Variants in SNAI1 observed in about 807,000 individuals in gnomAD.
The protein encoded by SNAI1 is zinc finger protein SNAI1.
In SNAI1, 15 loss-of-function variants were observed where a neutral mutation model predicts 24.7. That is an observed-to-expected ratio of 0.61 (90% confidence interval 0.41 to 0.93). The LOEUF is 0.93. SNAI1 is among the 40% of genes least tolerant of loss of function. The pLI is 0.00. For missense variants in SNAI1, 283 were observed against 336.7 expected (o/e 0.84, Z 1.25); for synonymous variants, 163 against 142.9 (o/e 1.14, Z -1.00).
Position 49,988,585 on chromosome 20 carries a change from A to C in SNAI1, c.*529A>C, listed in dbSNP as rs528258894. 2 of 152,888 alleles carry C rather than the reference A, an allele frequency of 1.3e-5. No homozygotes were observed. Among genetic ancestry groups the C allele is most frequent in the East Asian group, 3.9e-4 (2 of 5,178 alleles). The allele number at this position is 152,888 out of a possible 1,614,324, so 9.5% of individuals were successfully genotyped here. Reference sequence around the variant, plus strand: ...TGAGATGCCCCGAGCCCAGGCAGCTATTTCAGCCTCCTGTTTGGTGGGGTG... The same window carrying C: ...TGAGATGCCCCGAGCCCAGGCAGCTCTTTCAGCCTCCTGTTTGGTGGGGTG... On this transcript the variant is annotated 3_prime_UTR_variant, in exon 3 of 3. Transcript: ENST00000244050.
At chr20:49,984,704 A>G (rs1373047458) in intron 2 of SNAI1, among the ~76,000 whole-genome samples, 2 of 152,130 alleles carry the variant, frequency 1.3e-5, no homozygotes, top group African/African-American at 4.8e-5. Context: ...GCCAGACAGG[A>G]TGTTGTCAGA....
chr20:49,988,281 G>A lies in SNAI1; in HGVS notation c.*225G>A. 1 of 516,998 alleles carries A rather than the reference G, an allele frequency of 1.9e-6. No individual in the cohort carries two copies. The highest frequency in any genetic ancestry group is 5.0e-4 in the Middle Eastern group (1 of 1,996). The allele number at this position is 516,998 out of a possible 1,614,324, so 32.0% of individuals were successfully genotyped here. Reference sequence around the variant, plus strand: ...CTTCCCATGGCCATTTCTGTGGAGGGAGGGCAGCTGGCCCCCAGCCCTGGG... The same window carrying A: ...CTTCCCATGGCCATTTCTGTGGAGGAAGGGCAGCTGGCCCCCAGCCCTGGG... On this transcript the variant is annotated 3_prime_UTR_variant, in exon 3 of 3. Coordinates refer to ENST00000244050, the MANE Select transcript of SNAI1 (RefSeq NM_005985.4).
At chr20:49,983,721 T>C in intron 1 of SNAI1, 103 bp from the exon 2 acceptor site, 1 of 1,131,912 alleles carries the variant, frequency 8.8e-7, no homozygotes, top group South Asian at 1.5e-5. Flanking sequence ...TCTAATTATG[T>C]ATTGAGAATC....
chr20:49,984,311 T>C lies in SNAI1; in HGVS notation c.570T>C (p.Ser190=), dbSNP rs1366832435. ...CVCGTCGKAF[S]RPWLLQGHVR... Reference sequence around the variant, plus strand: ...GCGGAACCTGCGGGAAGGCCTTCTCTAGGCCCTGGCTGCTACAAGGCCATG... The same window carrying C: ...GCGGAACCTGCGGGAAGGCCTTCTCCAGGCCCTGGCTGCTACAAGGCCATG... The change falls in exon 2 of 3, where the codon TCT becomes TCC. Residue 190 remains serine, a synonymous_variant. Coordinates refer to ENST00000244050, the MANE Select transcript of SNAI1 (RefSeq NM_005985.4). The C allele has an allele frequency of 1.2e-6, 2 of 1,611,588 alleles. No homozygotes were observed. The highest frequency in any genetic ancestry group is 1.3e-5 in the African/African-American group (1 of 75,004).
Position 49,988,328 on chromosome 20 carries a change from T to G in SNAI1, c.*272T>G. On this transcript the variant is annotated 3_prime_UTR_variant, in exon 3 of 3. Coordinates refer to ENST00000244050, the MANE Select transcript of SNAI1 (RefSeq NM_005985.4). Reference sequence around the variant, plus strand: ...TGGGGGATTCCTGAGCTGGCCTGTCTGCGTGGGTTTTTGTATCCAGAGCTG... The same window carrying G: ...TGGGGGATTCCTGAGCTGGCCTGTCGGCGTGGGTTTTTGTATCCAGAGCTG... 2.4e-6 allele frequency: 1 copy of G among 419,094 alleles called. No individual in the cohort carries two copies. Among genetic ancestry groups the G allele is most frequent in the Non-Finnish European group, 4.3e-6 (1 of 234,912 alleles). The allele number at this position is 419,094 out of a possible 1,614,324, so 26.0% of individuals were successfully genotyped here.
At position 49,984,020 on chromosome 20, in the gene SNAI1, T is replaced by G. The variant is rs4647959; in HGVS notation, c.279T>G (p.Asp93Glu). The G allele has an allele frequency of 1.2e-6, 2 of 1,613,352 alleles. No homozygotes were observed. Among genetic ancestry groups the G allele is most frequent in the South Asian group, 2.2e-5 (2 of 91,020 alleles). ...PRVAELTSLS[D>E]EDSGKGSQPP... is the part of the protein sequence containing the mutation. ...TGGCAGAGCTGACCTCCCTGTCAGA[T>G]GAGGACAGTGGGAAAGGCTCCCAGC... Residue 93 changes from aspartate to glutamate, a missense_variant, in exon 2 of 3, where the codon GAT (aspartate) becomes GAG (glutamate). By Grantham distance (45) the Asp-to-Glu change is conservative. Transcript: ENST00000244050.
intron 2 of SNAI1, among the ~76,000 whole-genome samples, chr20:49,985,136 A>G (rs929155394): frequency 4.6e-5 from 7 of 152,248 alleles, no homozygotes; most frequent in Non-Finnish European, 7.3e-5. Flanking sequence ...TCTTTGGGGC[A>G]GAAAACACAA....
rs2078340555 is a variant in SNAI1 at position 49,988,257 on chromosome 20, T to C, written c.*201T>C. The C allele has an allele frequency of 1.8e-6, 1 of 553,720 alleles. No individual in the cohort carries two copies. The highest frequency in any genetic ancestry group is 3.5e-5 in the Admixed American group (1 of 28,598). The allele number at this position is 553,720 out of a possible 1,614,324, so 34.3% of individuals were successfully genotyped here. A position where few individuals can be genotyped will look rare whatever the true frequency, so the allele number is the denominator to read the frequency against. On this transcript the variant is annotated 3_prime_UTR_variant, in exon 3 of 3. Coordinates refer to ENST00000244050, the MANE Select transcript of SNAI1 (RefSeq NM_005985.4). Reference sequence around the variant, plus strand: ...CTCTGCCTGGGCTCTGGAAGAGGCCTTCCCATGGCCATTTCTGTGGAGGGA... The same window carrying C: ...CTCTGCCTGGGCTCTGGAAGAGGCCCTCCCATGGCCATTTCTGTGGAGGGA...
intron 2 of SNAI1, among the ~76,000 whole-genome samples, chr20:49,985,575 C>T (rs1053298033): frequency 6.6e-6 from 1 of 152,200 alleles, no homozygotes; most frequent in Non-Finnish European, 1.5e-5. Flanking sequence ...TCTCACCTCC[C>T]ATCTGGACAT....
intron 2 of SNAI1, among the ~76,000 whole-genome samples, chr20:49,985,223 G>A (rs544524411): frequency 6.6e-6 from 1 of 152,276 alleles, no homozygotes; most frequent in East Asian, 1.9e-4. Context: ...TTTAGAACTT[G>A]AATGGTGGCA....
At chr20:49,986,146 A>C (rs2078333262) in intron 2 of SNAI1, among the ~76,000 whole-genome samples, 1 of 152,200 alleles carries the variant, frequency 6.6e-6, no homozygotes, top group Non-Finnish European at 1.5e-5. Flanking sequence ...GTCAGCCCTT[A>C]GTTCACAAGG....
In SNAI1 at chr20:49,988,809, G is replaced by A. The variant is rs1359599623; in HGVS notation, c.*753G>A. 3 of 152,584 alleles carry A rather than the reference G, an allele frequency of 2.0e-5. No homozygotes were observed. Among genetic ancestry groups the A allele is most frequent in the African/African-American group, 7.2e-5 (3 of 41,408 alleles). The allele number at this position is 152,584 out of a possible 1,614,324, so 9.5% of individuals were successfully genotyped here. Reference sequence around the variant, plus strand: ...CTGGTATTTATATTTCAAACATTTTGTATCAAGGAAACGTTTTGTATAGTT... The same window carrying A: ...CTGGTATTTATATTTCAAACATTTTATATCAAGGAAACGTTTTGTATAGTT... On this transcript the variant is annotated 3_prime_UTR_variant, in exon 3 of 3. Transcript: ENST00000244050.
intron 1 of SNAI1, 36 bp downstream of exon 1, chr20:49,983,177 G>A (rs1256675668): frequency 6.5e-7 from 1 of 1,545,728 alleles, no homozygotes; most frequent in Non-Finnish European, 8.9e-7. Context: ...AGGAGGTTTG[G>A]GGGAGACAGG....
chr20:49,987,864 C>CT lies in SNAI1; in HGVS notation c.611-7dup, dbSNP rs375631988. On this transcript the variant is annotated splice_region_variant and splice_polypyrimidine_tract_variant and intron_variant, in intron 2 of 2. Transcript: ENST00000244050. ...GCTCACTCGGCCTTTCTGGCGTTCT[C>CT]TCCCCAGGCGAGAAGCCCTTCTCCT... The CT allele has an allele frequency of 6.2e-7, 1 of 1,613,754 alleles. No individual in the cohort carries two copies. The highest frequency in any genetic ancestry group is 1.3e-5 in the African/African-American group (1 of 75,044).
rs372324713 is a variant in SNAI1 at position 49,983,017 on chromosome 20, C to G, written c.-43C>G. On this transcript the variant is annotated 5_prime_UTR_variant, in exon 1 of 3. Coordinates refer to ENST00000244050, the MANE Select transcript of SNAI1 (RefSeq NM_005985.4). ...CACGGCCTAGCGAGTGGTTCTTCTG[C>G]GCTACTGCTGCGCGAATCGGCGACC... 2.0e-5 allele frequency: 29 copies of G among 1,438,394 alleles called. No homozygotes were observed. Among genetic ancestry groups the G allele is most frequent in the Non-Finnish European group, 2.2e-5 (23 of 1,039,604 alleles). The allele number at this position is 1,438,394 out of a possible 1,614,324, so 89.1% of individuals were successfully genotyped here. A position where few individuals can be genotyped will look rare whatever the true frequency, so the allele number is the denominator to read the frequency against.
Position 49,988,094 on chromosome 20 carries a change from G to C in SNAI1, c.*38G>C. The stretch of plus-strand genomic sequence containing the variant: ...CCTCTTCCTCTCCATACCTGCCCCT[G>C]CCTGACAGCCTTCCCCAGCTCCAGC... On this transcript the variant is annotated 3_prime_UTR_variant, in exon 3 of 3. Coordinates refer to ENST00000244050, the MANE Select transcript of SNAI1 (RefSeq NM_005985.4). The C allele has an allele frequency of 6.6e-7, 1 of 1,525,736 alleles. No homozygotes were observed. Among genetic ancestry groups the C allele is most frequent in the Non-Finnish European group, 8.9e-7 (1 of 1,126,120 alleles). 94.5% of individuals were successfully genotyped at this position (1,525,736 alleles called of 1,614,324 possible).
In SNAI1 at chr20:49,987,835, C is replaced by T. The variant is rs751527363; in HGVS notation, c.611-37C>T. The T allele has an allele frequency of 5.0e-6, 8 of 1,588,038 alleles. No individual in the cohort carries two copies. In the Admixed American group the frequency reaches 1.3e-4, roughly 27 times the overall value. On this transcript the variant is annotated intron_variant, in intron 2 of 2. Transcript: ENST00000244050. ...TTCCCATCACTGCCAGCCGTTGTCCCACGGCTCACTCGGCCTTTCTGGCGT... is the reference window on the plus strand; with the variant it reads ...TTCCCATCACTGCCAGCCGTTGTCCTACGGCTCACTCGGCCTTTCTGGCGT...
In SNAI1 at chr20:49,988,448, A is replaced by C. The variant is rs1063211; in HGVS notation, c.*392A>C. 58,274 of 159,002 alleles carry C rather than the reference A, an allele frequency of 0.37. 12,023 individuals carry two copies. Among genetic ancestry groups the C allele is most frequent in the South Asian group, 0.56 (2,757 of 4,940 alleles). The allele number at this position is 159,002 out of a possible 1,614,324, so 9.8% of individuals were successfully genotyped here. ...AGGGGACCCCACTCCCCTCACACAC[A>C]CCCCCCCACAAGGAACCCTCAGGCC... On this transcript the variant is annotated 3_prime_UTR_variant, in exon 3 of 3. Transcript: ENST00000244050.
chr20:49,984,364 C>A lies in SNAI1; in HGVS notation c.610+13C>A. 1 of 1,570,894 alleles carries A rather than the reference C, an allele frequency of 6.4e-7. No homozygotes were observed. Among genetic ancestry groups the A allele is most frequent in the East Asian group, 2.3e-5 (1 of 43,012 alleles). On this transcript the variant is annotated intron_variant, in intron 2 of 2. Transcript: ENST00000244050. ...CGGACCCACACTGGTACGTGCCCCT[C>A]CAGGCGCCCCCACCGTTGCTCTCTC...
Sources: gnomAD v4.1 joint callset for allele counts (sites outside exome capture counted in the v4.1 genomes callset) on GRCh38, gnomAD v4.1.1 for gene constraint, MANE v1.5 for transcripts, NCBI Gene and HGNC (gene_info 2026-07-23, HGNC 2026-07-21) for gene names.